Variants in CCDC81 observed in about 807,000 individuals in gnomAD.
CCDC81 encodes the protein coiled-coil domain-containing protein 81.
A neutral mutation model predicts 83.7 loss-of-function variants in CCDC81; 79 were observed. That is an observed-to-expected ratio of 0.94 (90% CI 0.79 to 1.14). The LOEUF is 1.14. Ranked by LOEUF, CCDC81 falls within the 50% of genes most tolerant of loss-of-function variation. The pLI, the probability that CCDC81 is intolerant of heterozygous loss-of-function variation, is 0.00. For missense variants in CCDC81, 791 were observed against 778.1 expected (o/e 1.02, Z -0.20); for synonymous variants, 252 against 278.1 (o/e 0.91, Z 0.93).
intron 1 of CCDC81, among the ~76,000 whole-genome samples, chr11:86,379,660 G>T (rs142571160): frequency 6.6e-6 from 1 of 152,256 alleles, no homozygotes; most frequent in African/African-American, 2.4e-5. Flanking sequence ...TAGACAAACT[G>T]CTATCTGTTA....
chr11:86,407,760 A>G, intron 8 of CCDC81, 59 bp downstream of exon 8: 1 of 1,305,128 alleles, frequency 7.7e-7, no homozygotes. Context: ...TTTGTTTCTC[A>G]AAGAGAGTTC....
intron 3 of CCDC81, among the ~76,000 whole-genome samples, chr11:86,390,528 G>A (rs1948313359): frequency 6.6e-6 from 1 of 152,166 alleles, no homozygotes; most frequent in Admixed American, 6.5e-5. Context: ...TGTACAGATA[G>A]GATTAATTTA....
rs772908422 is a variant in CCDC81, at chr11:86,395,370, G to C, written c.592G>C (p.Glu198Gln). 1 of 1,614,112 alleles carries C rather than the reference G, an allele frequency of 6.2e-7. No individual in the cohort carries two copies. The highest frequency in any genetic ancestry group is 8.5e-7 in the Non-Finnish European group (1 of 1,179,992). ...GTVDSVLSSR[E>Q]ALRKWPSSVL... The stretch of plus-strand genomic sequence containing the variant: ...TGTGGACTCGGTGTTGTCTAGCAGA[G>C]AGGCCTTGAGGAAGTGGCCCAGCAG... The change falls in exon 5 of 15, where the codon GAG (glutamate) becomes CAG (glutamine). Residue 198 changes from glutamate to glutamine, a missense_variant. Physicochemically the swap from Glu to Gln is conservative, Grantham distance 29. Coordinates refer to ENST00000445632, the MANE Select transcript of CCDC81 (RefSeq NM_001156474.2).
At chr11:86,407,228 G>C (rs1948576904) in intron 7 of CCDC81, among the ~76,000 whole-genome samples, 2 of 152,194 alleles carry the variant, frequency 1.3e-5, no homozygotes, top group African/African-American at 4.8e-5. Flanking sequence ...TTAATTCCAT[G>C]AGGGCAGGGA....
chr11:86,417,186 T>G (rs1948730911), intron 13 of CCDC81, among the ~76,000 whole-genome samples: 1 of 147,034 alleles, frequency 6.8e-6, no homozygotes, highest in East Asian at 2.0e-4. Context: ...GAGGTTGCAG[T>G]GAGCTGAGAT....
At chr11:86,401,712 T>TA (rs200887994) in intron 7 of CCDC81, among the ~76,000 whole-genome samples, 105 of 149,642 alleles carry the variant, frequency 7.0e-4, no homozygotes, top group Middle Eastern at 3.5e-3. Context: ...AGACTGAAAT[T>TA]AAAAAAAAAA....
chr11:86,401,911 C>A (rs938412947), intron 7 of CCDC81, among the ~76,000 whole-genome samples: 1 of 151,806 alleles, frequency 6.6e-6, no homozygotes, highest in East Asian at 1.9e-4. Flanking sequence ...CCGAGGCAGG[C>A]GGATCACGAG....
chr11:86,376,582 G>A (rs1000686251), intron 1 of CCDC81, among the ~76,000 whole-genome samples: 17 of 152,136 alleles, frequency 1.1e-4, no homozygotes. Flanking sequence ...AACAGCATGG[G>A]GGAAACTGCT....
chr11:86,391,744 T>C (rs779910436), intron 3 of CCDC81, among the ~76,000 whole-genome samples: 5 of 152,202 alleles, frequency 3.3e-5, no homozygotes, highest in Non-Finnish European at 7.3e-5. Context: ...CTGGAGGAGA[T>C]AGGCAAATGT....
chr11:86,376,106 G>A (rs534232890), intron 1 of CCDC81, among the ~76,000 whole-genome samples: 3 of 152,298 alleles, frequency 2.0e-5, no homozygotes, highest in African/African-American at 7.2e-5. Context: ...GCTATATGCT[G>A]AGCACTAGTT....
At chr11:86,406,906 C>T (rs1413746942) in intron 7 of CCDC81, among the ~76,000 whole-genome samples, 3 of 152,140 alleles carry the variant, frequency 2.0e-5, no homozygotes, top group Non-Finnish European at 4.4e-5. Context: ...TGAATTAATA[C>T]TAGTATTAAT....
intron 13 of CCDC81, among the ~76,000 whole-genome samples, chr11:86,417,494 T>C (rs1948736589): frequency 6.6e-6 from 1 of 152,072 alleles, no homozygotes; most frequent in African/African-American, 2.4e-5. Flanking sequence ...CTAATCTTTC[T>C]TTAACCTAGC....
rs2138479029 is a variant in CCDC81 at position 86,375,243 on chromosome 11, G to A, written c.79+1G>A. 6 of 1,608,728 alleles carry A rather than the reference G, an allele frequency of 3.7e-6. No homozygotes were observed. Among genetic ancestry groups the A allele is most frequent in the South Asian group, 3.3e-5 (3 of 91,062 alleles). ...ACTCTGCCCTCGCTGAGCCAGGAGGGTAAGCGTGTTGGGTAGCAGGGGGTG... is the reference window on the plus strand; with the variant it reads ...ACTCTGCCCTCGCTGAGCCAGGAGGATAAGCGTGTTGGGTAGCAGGGGGTG... On this transcript the variant is annotated splice_donor_variant, in intron 1 of 14. Coordinates refer to ENST00000445632, the MANE Select transcript of CCDC81 (RefSeq NM_001156474.2). LOFTEE classifies it high-confidence loss of function.
chr11:86,408,184 G>A lies in CCDC81; in HGVS notation c.1027G>A (p.Glu343Lys). The change falls in exon 9 of 15, where the codon GAG becomes AAG. Residue 343 changes from glutamate (E) to lysine (K), a missense_variant. By Grantham distance (56) the Glu-to-Lys change is moderately conservative (BLOSUM62 1). Transcript: ENST00000445632. ...ACGAAATTCCCTGTTGTACTACAGT[G>A]AGGAAAGGAGGAGAGAGATAGAAGA... Reference protein sequence around the residue: ...AQRNSLLYYSEERRREIEDER... With the variant: ...AQRNSLLYYSKERRREIEDER... 2 of 1,614,056 alleles carry A rather than the reference G, an allele frequency of 1.2e-6. No individual in the cohort carries two copies. The highest frequency in any genetic ancestry group is 1.7e-6 in the Non-Finnish European group (2 of 1,179,960).
At chr11:86,402,265 T>G (rs78621115) in intron 7 of CCDC81, among the ~76,000 whole-genome samples, 1 of 151,982 alleles carries the variant, frequency 6.6e-6, no homozygotes, top group South Asian at 2.1e-4. Flanking sequence ...CCATAATCCC[T>G]CTACATAGAG....
chr11:86,408,283 C>T lies in CCDC81; in HGVS notation c.1113+13C>T, dbSNP rs1459594023. 6.3e-7 allele frequency: 1 copy of T among 1,598,764 alleles called. No individual in the cohort carries two copies. Among genetic ancestry groups the T allele is most frequent in the Non-Finnish European group, 8.5e-7 (1 of 1,174,278 alleles). On this transcript the variant is annotated intron_variant, in intron 9 of 14. Transcript: ENST00000445632. ...CTTCAGACACCAGGTAGTCCAACAC[C>T]TCGATTAGTCTTTAATATGGGGCAA...
At chr11:86,387,276 G>A (rs1247634584) in intron 2 of CCDC81, among the ~76,000 whole-genome samples, 2 of 152,144 alleles carry the variant, frequency 1.3e-5, no homozygotes, top group Admixed American at 1.3e-4. Flanking sequence ...GCCTTTTGAT[G>A]ATACAGAGAT....
chr11:86,413,717 G>T (rs1048628283), intron 11 of CCDC81, among the ~76,000 whole-genome samples: 7 of 152,124 alleles, frequency 4.6e-5, no homozygotes, highest in African/African-American at 1.7e-4. Context: ...GCTATTAGAT[G>T]TTCAAATGAC....
Position 86,395,432 on chromosome 11 carries a change from G to C in CCDC81, c.635+19G>C, listed in dbSNP as rs748095018. 1 of 1,607,514 alleles carries C rather than the reference G, an allele frequency of 6.2e-7. No homozygotes were observed. Among genetic ancestry groups the C allele is most frequent in the South Asian group, 1.1e-5 (1 of 90,900 alleles). ...TTCCAAGGTGAGTGCTTTGCTTCAC[G>C]GGTTCCTCTAGGCACTAGCACTCCT... On this transcript the variant is annotated intron_variant, in intron 5 of 14. Coordinates refer to ENST00000445632, the MANE Select transcript of CCDC81 (RefSeq NM_001156474.2).
Sources: gnomAD v4.1 joint callset for allele counts (sites outside exome capture counted in the v4.1 genomes callset) on GRCh38, gnomAD v4.1.1 for gene constraint, MANE v1.5 for transcripts, NCBI Gene and HGNC (gene_info 2026-07-23, HGNC 2026-07-21) for gene names.